UTP14A: variants seen among roughly 807,000 people sequenced by gnomAD.
UTP14A encodes the protein UTP14A small subunit processome component.
UTP14A carries 5 observed loss-of-function variants against 57.2 expected under a neutral mutation model. The ratio of observed to expected loss-of-function variants is 0.09; its 90% confidence interval spans 0.05 to 0.18. The LOEUF (loss-of-function observed/expected upper bound fraction) is 0.18, where lower values mean the gene tolerates loss of function less well. Among genes scored for constraint, UTP14A ranks in the 10% least tolerant of loss-of-function variants. UTP14A has a pLI of 1.00. For synonymous variants in UTP14A, 169 were observed against 210.9 expected, an observed-to-expected ratio of 0.80 and a Z score of 1.72; for missense variants, 430 against 562.1, an observed-to-expected ratio of 0.76 and a Z score of 2.38.
At chrX:129,921,878 T>C (rs1452058070) in intron 11 of UTP14A, 2 of 270,421 alleles carry the variant, frequency 7.4e-6, no homozygotes, top group African/African-American at 5.6e-5. Context: ...ATACTCGAAG[T>C]CAGGGTATGA....
chrX:129,911,603 C>T (rs758278671), intron 5 of UTP14A, among the ~76,000 whole-genome samples, 163 bp from the exon 6 acceptor site: 1 of 111,344 alleles, frequency 9.0e-6, no homozygotes, highest in African/African-American at 3.3e-5. Context: ...AAATTGCAGT[C>T]CTGAGAAGCA....
chrX:129,907,491 T>G (rs1456784850), intron 2 of UTP14A, 49 bp downstream of exon 2: 1 of 1,056,509 alleles, frequency 9.5e-7, no homozygotes, highest in East Asian at 3.0e-5. Flanking sequence ...AGAGAGCACA[T>G]TCCTGGAATG....
chrX:129,908,050 T>G lies in UTP14A; in HGVS notation c.103-10T>G. On this transcript the variant is annotated splice_polypyrimidine_tract_variant and intron_variant, in intron 2 of 14. Transcript: ENST00000394422. ...CTCATCCTGATTGTTTTTCCTTTTC[T>G]GTGTCTTAGGGGGACAATGATGGAG... 1 of 1,203,089 alleles carries G rather than the reference T, an allele frequency of 8.3e-7. No homozygotes were observed. The highest frequency in any genetic ancestry group is 1.1e-6 in the Non-Finnish European group (1 of 890,689).
intron 4 of UTP14A, among the ~76,000 whole-genome samples, 185 bp from the exon 5 acceptor site, chrX:129,910,823 G>T (rs185611677): frequency 8.9e-6 from 1 of 112,874 alleles, no homozygotes; most frequent in Non-Finnish European, 1.9e-5. Flanking sequence ...TAACACGTTT[G>T]GGGATGAATG....
intron 6 of UTP14A, among the ~76,000 whole-genome samples, chrX:129,918,959 G>A (rs762892701): frequency 1.8e-5 from 2 of 111,129 alleles, no homozygotes; most frequent in Admixed American, 9.6e-5. Flanking sequence ...TAGCCTCAGC[G>A]TCTCCCTGCT....
intron 6 of UTP14A, among the ~76,000 whole-genome samples, chrX:129,918,762 A>C (rs1295919295): frequency 9.1e-6 from 1 of 110,388 alleles, no homozygotes; most frequent in Non-Finnish European, 1.9e-5. Flanking sequence ...CTGTAGTCCC[A>C]GCTACTCGGG....
Position 129,925,010 on chromosome X carries a change from T to C in UTP14A, c.1564T>C (p.Cys522Arg). 1 of 1,211,299 alleles carries C rather than the reference T, an allele frequency of 8.3e-7. No individual in the cohort carries two copies. Among genetic ancestry groups the C allele is most frequent in the South Asian group, 1.8e-5 (1 of 56,951 alleles). The change falls in exon 12 of 15, where the codon TGT (cysteine) becomes CGT (arginine). Residue 522 changes from cysteine (C) to arginine (R), a missense_variant. By Grantham distance (180) the Cys-to-Arg change is radical. Around this residue, in one of 4 missense-constraint regions of UTP14A, gnomAD observed 120 missense variants for 116.8 expected, o/e 1.03. Coordinates refer to ENST00000394422, the MANE Select transcript of UTP14A (RefSeq NM_006649.4). ...EELEELGKEECFQNKELPRPV... is the reference protein window; with the variant it reads ...EELEELGKEERFQNKELPRPV... ...GCTAGAAGAGCTGGGAAAAGAAGAATGTTTTCAAAATAAGGAGCTTCCCAG... is the reference window on the plus strand; with the variant it reads ...GCTAGAAGAGCTGGGAAAAGAAGAACGTTTTCAAAATAAGGAGCTTCCCAG...
intron 6 of UTP14A, among the ~76,000 whole-genome samples, chrX:129,916,447 C>A (rs1929697653): frequency 9.0e-6 from 1 of 111,334 alleles, no homozygotes; most frequent in Admixed American, 9.7e-5. Flanking sequence ...TAACTCCCTA[C>A]CCCAGTCACT....
intron 5 of UTP14A, among the ~76,000 whole-genome samples, 161 bp downstream of exon 5, chrX:129,911,311 G>A (rs138075171): frequency 0.072 from 7,968 of 110,797 alleles, 710 homozygotes; most frequent in African/African-American, 0.25. Flanking sequence ...TGCCAGGCGC[G>A]GTGGCTCACG....
chrX:129,910,534 A>T (rs920297629), intron 4 of UTP14A, among the ~76,000 whole-genome samples: 2 of 111,517 alleles, frequency 1.8e-5, no homozygotes, highest in Non-Finnish European at 1.9e-5. Context: ...AAAAAAAATT[A>T]AAAAAATTAA....
Position 129,919,373 on chromosome X carries a change from CTGTAAG to C in UTP14A, c.658-20_658-15del. 8.3e-7 allele frequency: 1 copy of C among 1,211,628 alleles called. No homozygotes were observed. ...CATTTGTCCTCTGGCCCAGGTGTCA[CTGTAAG>C]TCTCATTTGTTGTAGGCAAAGATGC... On this transcript the variant is annotated splice_polypyrimidine_tract_variant and intron_variant, in intron 7 of 14. Coordinates refer to ENST00000394422, the MANE Select transcript of UTP14A (RefSeq NM_006649.4).
chrX:129,923,586 A>T (rs1381078025), intron 11 of UTP14A, among the ~76,000 whole-genome samples: 2 of 111,088 alleles, frequency 1.8e-5, no homozygotes, highest in African/African-American at 6.5e-5. Flanking sequence ...GCCCCTCCAG[A>T]CTCTTGAGAC....
At position 129,908,601 on chromosome X, in the gene UTP14A, T is replaced by C; in HGVS notation, c.174-69T>C. 3 of 1,013,907 alleles carry C rather than the reference T, an allele frequency of 3.0e-6. No homozygotes were observed. The South Asian group carries it at 5.8e-5, about 19-fold the overall frequency. The allele number at this position is 1,013,907 out of a possible 1,213,427, so 83.6% of individuals were successfully genotyped here. A position where few individuals can be genotyped will look rare whatever the true frequency, so the allele number is the denominator to read the frequency against. On this transcript the variant is annotated intron_variant, in intron 3 of 14. Transcript: ENST00000394422. ...AAGCCCTGTTTGAAGAGAGAAGTGTTTGTCTCTCCCAACCCCAAGCCCCCA... is the reference window on the plus strand; with the variant it reads ...AAGCCCTGTTTGAAGAGAGAAGTGTCTGTCTCTCCCAACCCCAAGCCCCCA...
rs1436332820 is a variant in UTP14A, at chrX:129,921,563, C to T, written c.1324C>T (p.Pro442Ser). 5.8e-6 allele frequency: 7 copies of T among 1,209,806 alleles called. No individual in the cohort carries two copies. In the South Asian group the frequency reaches 1.2e-4, roughly 21 times the overall value. Residue 442 changes from proline (P) to serine (S), a missense_variant, in exon 11 of 15, where the codon CCA (proline) becomes TCA (serine). Pro to Ser is a moderately conservative substitution (Grantham distance 74). Coordinates refer to ENST00000394422, the MANE Select transcript of UTP14A (RefSeq NM_006649.4). ...ATCTGAGCTCAGCCAAGATGCTGAGCCAGCAGGCAGTCAAGAAACAAAAGG... is the reference window on the plus strand; with the variant it reads ...ATCTGAGCTCAGCCAAGATGCTGAGTCAGCAGGCAGTCAAGAAACAAAAGG... ...KRSELSQDAE[P>S]AGSQETKDSG...
chrX:129,921,763 G>A (rs369827835), intron 11 of UTP14A, 176 bp downstream of exon 11: 1 of 528,581 alleles, frequency 1.9e-6, no homozygotes, highest in Non-Finnish European at 2.9e-6. Flanking sequence ...ATTTTTCTTC[G>A]AAGACATTTA....
In UTP14A at chrX:129,921,240, C is replaced by T. The variant is rs768295797; in HGVS notation, c.1001C>T (p.Thr334Ile). The part of the protein sequence containing the change: ...QEQLSKNKEL[T>I]QKLQVASESE... The stretch of plus-strand genomic sequence containing the variant: ...CAGTTGTCTAAGAACAAAGAACTGA[C>T]ACAGAAACTCCAGGTAGCCTCTGAG... The change falls in exon 11 of 15, where the codon ACA becomes ATA. Residue 334 changes from threonine (T) to isoleucine (I), a missense_variant. Around this residue, in one of 4 missense-constraint regions of UTP14A, gnomAD observed 83 missense variants for 140.4 expected, o/e 0.59. Transcript: ENST00000394422. 1.7e-6 allele frequency: 2 copies of T among 1,208,601 alleles called. No individual in the cohort carries two copies. Among genetic ancestry groups the T allele is most frequent in the Non-Finnish European group, 2.2e-6 (2 of 894,827 alleles).
intron 2 of UTP14A, 78 bp from the exon 3 acceptor site, chrX:129,907,982 A>AT (rs1319487975): frequency 2.3e-6 from 2 of 855,791 alleles, no homozygotes; most frequent in Non-Finnish European, 1.7e-6. Flanking sequence ...ATAACAAGAG[A>AT]TTTTACATGA....
In UTP14A at chrX:129,925,127, C is replaced by T. The variant is rs776683253; in HGVS notation, c.1681C>T (p.Leu561=). 4.1e-6 allele frequency: 5 copies of T among 1,209,884 alleles called. No homozygotes were observed. In the African/African-American group the frequency reaches 7.0e-5, roughly 17 times the overall value. The part of the protein sequence containing the change: ...EKKKKEQMID[L]QNLLTTQSPS... ...GAAAAAGAAGGAGCAAATGATCGAC[C>T]TACAGAACCTCCTAACCACACAATC... The change falls in exon 12 of 15, where the codon CTA becomes TTA. Residue 561 remains leucine (L), a synonymous_variant. Transcript: ENST00000394422.
intron 6 of UTP14A, 124 bp from the exon 7 acceptor site, chrX:129,919,051 C>A: frequency 9.6e-7 from 1 of 1,043,435 alleles, no homozygotes. Context: ...CTTGCTGTAA[C>A]AGCCAATCCT....
Sources: gnomAD v4.1 joint callset for allele counts (sites outside exome capture counted in the v4.1 genomes callset) on GRCh38, gnomAD v4.1.1 for gene constraint, gnomAD v4.1.1 regional missense constraint, MANE v1.5 for transcripts, NCBI Gene and HGNC (gene_info 2026-07-23, HGNC 2026-07-21) for gene names.